The following SUCLG1 variants were observed in gnomAD, a reference collection of about 807,000 sequenced individuals.
SUCLG1 encodes succinate-CoA ligase GDP/ADP-forming subunit alpha, also known as succinate--CoA ligase [ADP/GDP-forming] subunit alpha, mitochondrial.
SUCLG1 carries 26 observed loss-of-function variants against 37.3 expected under a neutral mutation model. The observed-to-expected ratio is 0.70, with a 90% CI of 0.51 to 0.97. The LOEUF is 0.97. SUCLG1 is among the 50% of genes least tolerant of loss of function. The pLI is 0.00. For missense variants in SUCLG1, 433 were observed against 432.9 expected, an observed-to-expected ratio of 1.00 and a Z score of 0.00; for synonymous variants, 163 against 155.6, an observed-to-expected ratio of 1.05 and a Z score of -0.36.
chr2:84,441,172 C>A, intron 4 of SUCLG1, 68 bp from the exon 5 acceptor site: 1 of 1,611,184 alleles, frequency 6.2e-7, no homozygotes, highest in Non-Finnish European at 8.5e-7. Flanking sequence ...CACACAAATA[C>A]ACTCGCATTC....
At chr2:84,449,599 TTGTTA>T in intron 2 of SUCLG1, 45 bp downstream of exon 2, 1 of 1,219,256 alleles carries the variant, frequency 8.2e-7, no homozygotes, top group Non-Finnish European at 1.2e-6. Flanking sequence ...AATAGTTAAT[TTGTTA>T]TATCTCTAGT....
chr2:84,439,962 T>C (rs898059624), intron 5 of SUCLG1, among the ~76,000 whole-genome samples: 2 of 152,176 alleles, frequency 1.3e-5, no homozygotes, highest in African/African-American at 4.8e-5. Flanking sequence ...AAGGTAATTA[T>C]TGAGCAGGTA....
chr2:84,434,991 T>G (rs1195660076), intron 5 of SUCLG1, among the ~76,000 whole-genome samples: 1 of 152,202 alleles, frequency 6.6e-6, no homozygotes, highest in Admixed American at 6.5e-5. Context: ...CTCTTTTAGA[T>G]GCATTTCACT....
At chr2:84,453,354 G>A (rs1672969085) in intron 1 of SUCLG1, among the ~76,000 whole-genome samples, 1 of 152,024 alleles carries the variant, frequency 6.6e-6, no homozygotes. Context: ...CACAATGGAT[G>A]ACAAACTGCA....
chr2:84,427,951 T>C (rs1402122438), intron 7 of SUCLG1, among the ~76,000 whole-genome samples: 4 of 152,240 alleles, frequency 2.6e-5, no homozygotes, highest in Middle Eastern at 3.2e-3. Flanking sequence ...GAGTAGTACA[T>C]GGCAGTGAAT....
intron 2 of SUCLG1, among the ~76,000 whole-genome samples, chr2:84,449,287 G>A (rs1035999233): frequency 6.6e-6 from 1 of 152,090 alleles, no homozygotes; most frequent in African/African-American, 2.4e-5. Flanking sequence ...TTGTCTGTTT[G>A]TACAAAACCT....
At chr2:84,432,043 G>A (rs929635421) in intron 6 of SUCLG1, among the ~76,000 whole-genome samples, 16 of 152,274 alleles carry the variant, frequency 1.1e-4, no homozygotes, top group African/African-American at 3.6e-4. Flanking sequence ...TACACCAGAG[G>A]AAAGAATAAA....
chr2:84,459,092 G>A, intron 1 of SUCLG1, 81 bp downstream of exon 1: 1 of 1,424,828 alleles, frequency 7.0e-7, no homozygotes, highest in Middle Eastern at 2.0e-4. Context: ...TGAGGGCCCA[G>A]CCGCGGCCTG....
intron 8 of SUCLG1, among the ~76,000 whole-genome samples, chr2:84,424,196 T>C (rs181024226): frequency 6.6e-6 from 1 of 152,324 alleles, no homozygotes; most frequent in Admixed American, 6.5e-5. Flanking sequence ...TAAAGACAGA[T>C]TGTTACAAGG....
At chr2:84,424,278 G>A (rs1672498371) in intron 8 of SUCLG1, among the ~76,000 whole-genome samples, 1 of 152,156 alleles carries the variant, frequency 6.6e-6, no homozygotes. Context: ...TAGTGTTTAA[G>A]GAAACAATAC....
intron 7 of SUCLG1, 104 bp from the exon 8 acceptor site, chr2:84,425,707 G>A (rs545531519): frequency 7.1e-6 from 9 of 1,273,162 alleles, no homozygotes; most frequent in South Asian, 6.0e-5. Context: ...TTGGGCAGGG[G>A]AAAGCCCACC....
chr2:84,449,713 G>A lies in SUCLG1; in HGVS notation c.137C>T (p.Ser46Phe), dbSNP rs1287269389. 3.2e-6 allele frequency: 5 copies of A among 1,585,736 alleles called. No individual in the cohort carries two copies. The highest frequency in any genetic ancestry group is 4.3e-6 in the Non-Finnish European group (5 of 1,167,536). ...NGIRHCSYTA[S>F]RQHLYVDKNT... ...TTTATCAACATAGAGATGTTGCCGA[G>A]AAGCTGTGTAGGAACAATGCCGAAT... The change falls in exon 2 of 9, where the codon TCT (serine) becomes TTT (phenylalanine). Residue 46 changes from serine (S) to phenylalanine (F), a missense_variant. Physicochemically the swap from Ser to Phe is radical, Grantham distance 155 (BLOSUM62 -2). Transcript: ENST00000393868.
At chr2:84,438,499 T>A (rs1672722072) in intron 5 of SUCLG1, among the ~76,000 whole-genome samples, 1 of 152,244 alleles carries the variant, frequency 6.6e-6, no homozygotes, top group Non-Finnish European at 1.5e-5. Context: ...TATACTGCTA[T>A]TACATTACAT....
chr2:84,444,600 T>C (rs1672821388), intron 2 of SUCLG1, among the ~76,000 whole-genome samples: 1 of 152,292 alleles, frequency 6.6e-6, no homozygotes, highest in South Asian at 2.1e-4. Context: ...GCATTGATAA[T>C]ATCTTATCAG....
intron 7 of SUCLG1, among the ~76,000 whole-genome samples, chr2:84,429,283 CT>C (rs1181773953): frequency 6.6e-6 from 1 of 152,104 alleles, no homozygotes; most frequent in Admixed American, 6.5e-5. Context: ...AAATACTAGG[CT>C]ATTCCAGGGA....
chr2:84,446,097 C>T (rs1672846548), intron 2 of SUCLG1, among the ~76,000 whole-genome samples: 1 of 152,224 alleles, frequency 6.6e-6, no homozygotes, highest in African/African-American at 2.4e-5. Flanking sequence ...CCTACATCTC[C>T]TTAACATCTT....
At chr2:84,435,212 T>C (rs1672670042) in intron 5 of SUCLG1, among the ~76,000 whole-genome samples, 1 of 152,190 alleles carries the variant, frequency 6.6e-6, no homozygotes. Flanking sequence ...ACCTCCACCA[T>C]CTGACAAAAC....
chr2:84,435,184 C>A (rs1672669438), intron 5 of SUCLG1, among the ~76,000 whole-genome samples: 1 of 152,144 alleles, frequency 6.6e-6, no homozygotes, highest in African/African-American at 2.4e-5. Context: ...ATTTGTTCTG[C>A]TTAAGATGGA....
chr2:84,459,137 C>G (rs1345746390), intron 1 of SUCLG1, 36 bp downstream of exon 1: 1 of 1,527,820 alleles, frequency 6.5e-7, no homozygotes, highest in Non-Finnish European at 8.9e-7. Context: ...GCCAATAACC[C>G]GCGGGCGCCA....
Sources: gnomAD v4.1 joint callset for allele counts (sites outside exome capture counted in the v4.1 genomes callset) on GRCh38, gnomAD v4.1.1 for gene constraint, MANE v1.5 for transcripts, NCBI Gene and HGNC (gene_info 2026-07-23, HGNC 2026-07-21) for gene names.